CCDC63: variants seen among roughly 807,000 people sequenced by gnomAD.
The protein encoded by CCDC63 is coiled-coil domain-containing protein 63.
In CCDC63, 54 loss-of-function variants were observed where a neutral mutation model predicts 63.6. The ratio of observed to expected loss-of-function variants is 0.85; its 90% CI spans 0.68 to 1.07. The LOEUF is 1.07. CCDC63 is among the 50% of genes least tolerant of loss of function. CCDC63 has a pLI of 0.00. For missense variants in CCDC63, 637 were observed against 689.6 expected, an observed-to-expected ratio of 0.92 and a Z score of 0.86; for synonymous variants, 253 against 266.1, an observed-to-expected ratio of 0.95 and a Z score of 0.48.
Position 110,858,688 on chromosome 12 carries a change from G to A in CCDC63, c.282G>A (p.Met94Ile). ...RNMNRSEKNY[M>I]ELRLLLQTKE... ...TGAATCGGAGTGAGAAGAACTACATGGAGCTGCGACTCCTGCTCCAAACTA... is the reference window on the plus strand; with the variant it reads ...TGAATCGGAGTGAGAAGAACTACATAGAGCTGCGACTCCTGCTCCAAACTA... The change falls in exon 4 of 12, where the codon ATG (methionine) becomes ATA (isoleucine). Residue 94 changes from methionine (M) to isoleucine (I), a missense_variant. Transcript: ENST00000308208. The A allele has an allele frequency of 3.1e-6, 5 of 1,614,082 alleles. No individual in the cohort carries two copies. Among genetic ancestry groups the A allele is most frequent in the Non-Finnish European group, 4.2e-6 (5 of 1,179,998 alleles).
At chr12:110,858,496 C>G in intron 3 of CCDC63, 90 bp from the exon 4 acceptor site, 1 of 1,181,526 alleles carries the variant, frequency 8.5e-7, no homozygotes, top group Non-Finnish European at 1.2e-6. Context: ...TTCCTCTCTC[C>G]CGGTCTCCTT....
chr12:110,860,080 C>T (rs954492743), intron 4 of CCDC63, among the ~76,000 whole-genome samples: 8 of 152,180 alleles, frequency 5.3e-5, no homozygotes, highest in Non-Finnish European at 8.8e-5. Flanking sequence ...ATGCAGGAAC[C>T]ATTTACAAGG....
intron 11 of CCDC63, among the ~76,000 whole-genome samples, chr12:110,906,169 G>A (rs1053017583): frequency 2.1e-4 from 27 of 131,290 alleles, no homozygotes; most frequent in South Asian, 6.9e-4. Flanking sequence ...TGAAAGTGAC[G>A]GTGCTGCTGT....
chr12:110,904,072 G>T (rs961966015), intron 10 of CCDC63, among the ~76,000 whole-genome samples: 1 of 152,124 alleles, frequency 6.6e-6, no homozygotes, highest in Non-Finnish European at 1.5e-5. Flanking sequence ...TAAGAAGTCA[G>T]AAGCCAGGCA....
chr12:110,853,854 A>G (rs969003188), intron 3 of CCDC63, among the ~76,000 whole-genome samples: 1 of 152,194 alleles, frequency 6.6e-6, no homozygotes, highest in Non-Finnish European at 1.5e-5. Flanking sequence ...AATTGAGGAA[A>G]GAGTTCTGGT....
At chr12:110,877,158 T>C (rs747195324) in intron 5 of CCDC63, among the ~76,000 whole-genome samples, 15 of 152,208 alleles carry the variant, frequency 9.9e-5, no homozygotes, top group Non-Finnish European at 1.5e-4. Context: ...ATTTTTGTTT[T>C]TGTGACAAGA....
intron 9 of CCDC63, among the ~76,000 whole-genome samples, chr12:110,896,912 G>A (rs1160185110): frequency 2.0e-5 from 3 of 152,186 alleles, no homozygotes; most frequent in Admixed American, 6.5e-5. Flanking sequence ...CACCCCCAGG[G>A]CCTTTGACTG....
chr12:110,895,621 A>G (rs1009780967), intron 9 of CCDC63, among the ~76,000 whole-genome samples: 1 of 152,198 alleles, frequency 6.6e-6, no homozygotes, highest in Non-Finnish European at 1.5e-5. Flanking sequence ...CAGAAAAGTC[A>G]CTTCCTAGCT....
intron 8 of CCDC63, among the ~76,000 whole-genome samples, chr12:110,885,394 T>C (rs1020205048): frequency 6.6e-6 from 1 of 152,168 alleles, no homozygotes; most frequent in African/African-American, 2.4e-5. Flanking sequence ...CCAAATGTCA[T>C]TGGCTTCCTG....
chr12:110,869,141 C>T (rs2071028963), intron 4 of CCDC63, among the ~76,000 whole-genome samples: 1 of 152,188 alleles, frequency 6.6e-6, no homozygotes, highest in Admixed American at 6.5e-5. Flanking sequence ...TTCACCAGCC[C>T]AGGCTCTGCA....
In CCDC63 at chr12:110,883,957, G is replaced by A. The variant is rs1267603046; in HGVS notation, c.854-73G>A. On this transcript the variant is annotated intron_variant, in intron 7 of 11. Coordinates refer to ENST00000308208, the MANE Select transcript of CCDC63 (RefSeq NM_152591.3). Reference sequence around the variant, plus strand: ...GCCTGGCCACAATAATATTGATCACGTTACTGTCTGCCTGGCACGGATCTG... The same window carrying A: ...GCCTGGCCACAATAATATTGATCACATTACTGTCTGCCTGGCACGGATCTG... 6.0e-6 allele frequency: 7 copies of A among 1,174,420 alleles called. 1 individual carries two copies. In the East Asian group the frequency reaches 1.2e-4, roughly 20 times the overall value. The allele number at this position is 1,174,420 out of a possible 1,614,324, so 72.7% of individuals were successfully genotyped here. A position where few individuals can be genotyped will look rare whatever the true frequency, so the allele number is the denominator to read the frequency against.
rs985262474 is a variant in CCDC63, at chr12:110,889,905, A to AT, written c.1075-3163dup. Reference sequence around the variant, plus strand: ...AATCATATATTTTTTTCCGATTAGAATTTTTTTTCACAATTTGGAAAATAC... The same window carrying AT: ...AATCATATATTTTTTTCCGATTAGAATTTTTTTTTCACAATTTGGAAAATAC... On this transcript the variant is annotated intron_variant, in intron 8 of 11. Coordinates refer to ENST00000308208, the MANE Select transcript of CCDC63 (RefSeq NM_152591.3). The surrounding 1 kb of genome is among the most constrained non-coding windows in gnomAD (Gnocchi z 4.1). Among the ~76,000 whole-genome samples the AT allele has an allele frequency of 6.6e-6, 1 of 151,744 alleles. No individual in the cohort carries two copies. The highest frequency in any genetic ancestry group is 1.5e-5 in the Non-Finnish European group (1 of 67,950).
intron 4 of CCDC63, among the ~76,000 whole-genome samples, chr12:110,859,159 G>A (rs933142303): frequency 3.3e-5 from 5 of 152,148 alleles, no homozygotes; most frequent in Non-Finnish European, 7.3e-5. Context: ...ACTGTTGTGG[G>A]TTGGCTAAGA....
chr12:110,878,243 CAT>C (rs1297232183), intron 5 of CCDC63, among the ~76,000 whole-genome samples: 2 of 152,078 alleles, frequency 1.3e-5, no homozygotes, highest in African/African-American at 2.4e-5. Context: ...TGTATACACA[CAT>C]GTATACATAC....
chr12:110,875,959 A>G (rs1401534778), intron 5 of CCDC63, among the ~76,000 whole-genome samples: 1 of 152,108 alleles, frequency 6.6e-6, no homozygotes, highest in East Asian at 1.9e-4. Flanking sequence ...AATAAAAATT[A>G]GCCAGGCATG....
intron 5 of CCDC63, among the ~76,000 whole-genome samples, chr12:110,876,505 C>A (rs1201773140): frequency 6.6e-6 from 1 of 152,148 alleles, no homozygotes; most frequent in Non-Finnish European, 1.5e-5. Context: ...TGTGGAAACA[C>A]AGGGCTGGCA....
At chr12:110,903,696 A>T (rs1017614327) in intron 10 of CCDC63, among the ~76,000 whole-genome samples, 2 of 152,214 alleles carry the variant, frequency 1.3e-5, no homozygotes, top group Non-Finnish European at 2.9e-5. Context: ...GTGCAAGGGG[A>T]TGTCCCCTGA....
intron 9 of CCDC63, 31 bp from the exon 10 acceptor site, chr12:110,898,902 T>C (rs755521361): frequency 1.3e-6 from 2 of 1,539,114 alleles, no homozygotes; most frequent in South Asian, 2.6e-5. Flanking sequence ...AAAGTCCTCC[T>C]GAGCAGGTGG....
rs67350855 is a variant in CCDC63 at position 110,866,309 on chromosome 12, C to CTTT, written c.370-7520_370-7518dup. Among the ~76,000 whole-genome samples the CTTT allele has an allele frequency of 3.3e-3, 456 of 137,028 alleles. 3 individuals are homozygous for CTTT. Among genetic ancestry groups the CTTT allele is most frequent in the African/African-American group, 0.012 (418 of 36,320 alleles). 89.9% of individuals were successfully genotyped at this position (137,028 alleles called of 152,430 possible). ...TAAACCGTAATTTGCTTAAGCCACT[C>CTTT]TTTTTTTTTTTTTTTAATTTATTTT... On this transcript the variant is annotated intron_variant, in intron 4 of 11. Coordinates refer to ENST00000308208, the MANE Select transcript of CCDC63 (RefSeq NM_152591.3).
Sources: gnomAD v4.1 joint callset for allele counts (sites outside exome capture counted in the v4.1 genomes callset) on GRCh38, gnomAD v4.1.1 for gene constraint, Gnocchi (gnomAD v3.1) non-coding constraint, MANE v1.5 for transcripts, NCBI Gene and HGNC (gene_info 2026-07-23, HGNC 2026-07-21) for gene names.